The following STPG2 variants were observed in gnomAD, a reference collection of about 807,000 sequenced individuals.
The protein encoded by STPG2 is sperm-tail PG-rich repeat-containing protein 2.
Under a neutral mutation model 54.2 loss-of-function variants are expected in STPG2, and 56 were observed. That is an observed-to-expected ratio of 1.03 (90% CI 0.83 to 1.29). STPG2 has a LOEUF of 1.29. Among genes scored for constraint, STPG2 ranks in the 50% most tolerant of loss-of-function variants. The probability of loss-of-function intolerance (pLI) is 0.00; values close to 1 mark genes in which losing one functional copy is unlikely to be tolerated. For synonymous variants in STPG2, 200 were observed against 181.8 expected (o/e 1.10, Z -0.81); for missense variants, 596 against 544.9 (o/e 1.09, Z -0.93).
chr4:98,043,295 C>T (rs1737021497), intron 5 of STPG2, among the ~76,000 whole-genome samples: 1 of 151,960 alleles, frequency 6.6e-6, no homozygotes, highest in Non-Finnish European at 1.5e-5. Flanking sequence ...ACTCCATTAT[C>T]TTTTTAATTG....
intron 9 of STPG2, among the ~76,000 whole-genome samples, chr4:97,808,812 T>C (rs1056565893): frequency 6.0e-5 from 9 of 150,670 alleles, no homozygotes; most frequent in South Asian, 2.1e-4. Flanking sequence ...TATAGCTTCA[T>C]TGATACCAGA....
chr4:98,117,035 T>A (rs1284174811), intron 3 of STPG2, among the ~76,000 whole-genome samples: 1 of 152,022 alleles, frequency 6.6e-6, no homozygotes, highest in Non-Finnish European at 1.5e-5. Context: ...TTTATCATTG[T>A]TCTTTAATTA....
In STPG2 at chr4:97,807,659, A is replaced by AG. The variant is rs1727612391; in HGVS notation, c.1204+33113dup. Reference sequence around the variant, plus strand: ...GGATAGAAAATGAAAAAGTTGTAAGAGGAAAAAAAAGGAAGTATTTATTTG... The same window carrying AG: ...GGATAGAAAATGAAAAAGTTGTAAGAGGGAAAAAAAAGGAAGTATTTATTTG... On this transcript the variant is annotated intron_variant, in intron 9 of 10. Transcript: ENST00000295268. Among the ~76,000 whole-genome samples the AG allele has an allele frequency of 2.0e-5, 3 of 152,096 alleles. No homozygotes were observed. The South Asian group carries it at 6.2e-4, about 32-fold the overall frequency.
chr4:98,038,762 G>A (rs1736853092), intron 5 of STPG2, among the ~76,000 whole-genome samples: 1 of 151,814 alleles, frequency 6.6e-6, no homozygotes, highest in Non-Finnish European at 1.5e-5. Flanking sequence ...GAATAGCCAA[G>A]GATTAGAAAA....
intron 5 of STPG2, among the ~76,000 whole-genome samples, chr4:97,997,416 G>A (rs1216862494): frequency 6.6e-6 from 1 of 152,172 alleles, no homozygotes; most frequent in Non-Finnish European, 1.5e-5. Flanking sequence ...AGGAGCAAAA[G>A]AGCAATGGGG....
intron 5 of STPG2, among the ~76,000 whole-genome samples, chr4:98,027,989 C>A (rs1290430865): frequency 1.3e-5 from 2 of 152,180 alleles, no homozygotes; most frequent in Non-Finnish European, 2.9e-5. Context: ...TCACTCCACA[C>A]AACAGCTCCT....
At chr4:98,057,498 C>T (rs35915560) in intron 5 of STPG2, among the ~76,000 whole-genome samples, 59,827 of 151,322 alleles carry the variant, frequency 0.4, 11,993 homozygotes, top group Middle Eastern at 0.46. Flanking sequence ...GCCAGGCAGA[C>T]AAGAATAGAG....
chr4:98,059,312 A>G (rs1379464067), intron 5 of STPG2, among the ~76,000 whole-genome samples: 2 of 151,990 alleles, frequency 1.3e-5, no homozygotes, highest in Non-Finnish European at 2.9e-5. Context: ...ATTCTCTAAG[A>G]AGAAATTGGA....
chr4:98,126,475 G>A (rs1205481268), intron 3 of STPG2, among the ~76,000 whole-genome samples: 1 of 152,174 alleles, frequency 6.6e-6, no homozygotes, highest in East Asian at 1.9e-4. Flanking sequence ...ATCACTCACT[G>A]CCTCCTTTGG....
chr4:97,565,451 G>C (rs1732403639), intron 10 of STPG2, among the ~76,000 whole-genome samples: 1 of 152,188 alleles, frequency 6.6e-6, no homozygotes, highest in Non-Finnish European at 1.5e-5. Context: ...GTCATTCTCT[G>C]TCCAGCTTTG....
intron 8 of STPG2, among the ~76,000 whole-genome samples, chr4:97,917,655 T>C (rs1456972072): frequency 6.6e-6 from 1 of 152,140 alleles, no homozygotes; most frequent in Non-Finnish European, 1.5e-5. Flanking sequence ...TAAAAATATA[T>C]CTTAAAAGCT....
chr4:98,012,521 A>T, intron 5 of STPG2, among the ~76,000 whole-genome samples: 1 of 152,198 alleles, frequency 6.6e-6, no homozygotes, highest in East Asian at 1.9e-4. Context: ...ATAGCACTGA[A>T]TCTATAAATT....
At chr4:97,539,305 A>G (rs899797362) in intron 4 of STPG2, among the ~76,000 whole-genome samples, 1 of 152,148 alleles carries the variant, frequency 6.6e-6, no homozygotes, top group Non-Finnish European at 1.5e-5. Context: ...CCCATCTCAC[A>G]TGCAGAGACA....
rs562114365 is a variant in STPG2 at position 97,523,710 on chromosome 4, C to A, written c.462+188989G>T. On this transcript the variant is annotated intron_variant, in intron 4 of 4. Coordinates refer to the STPG2 transcript ENST00000522676. ...AGCATCAGAAGGAAAAAACACTGGG[C>A]AGTGAATGTGTCCCCTGTAAGCTGA... is the stretch of plus-strand genomic sequence containing the variant. Among the ~76,000 whole-genome samples the A allele has an allele frequency of 1.1e-4, 17 of 152,034 alleles. No homozygotes were observed. The East Asian group carries it at 3.1e-3, about 28-fold the overall frequency.
chr4:97,947,416 G>A (rs1485022988), intron 7 of STPG2, among the ~76,000 whole-genome samples: 1 of 151,836 alleles, frequency 6.6e-6, no homozygotes, highest in East Asian at 1.9e-4. Flanking sequence ...TGCCTGATTG[G>A]TCTGGCTAGG....
In STPG2 at chr4:98,109,185, T is replaced by C; in HGVS notation, c.500+8A>G. ...TACATTAAAGGTATACTATATTTTT[T>C]TACTTACTGGACTATATCATACTGT... On this transcript the variant is annotated splice_region_variant and intron_variant, in intron 4 of 10. Transcript: ENST00000295268. The C allele has an allele frequency of 6.7e-7, 1 of 1,496,062 alleles. No individual in the cohort carries two copies. The highest frequency in any genetic ancestry group is 9.1e-7 in the Non-Finnish European group (1 of 1,101,040). The allele number at this position is 1,496,062 out of a possible 1,614,324, so 92.7% of individuals were successfully genotyped here.
intron 8 of STPG2, among the ~76,000 whole-genome samples, chr4:97,854,358 A>C (rs548821710): frequency 1.3e-5 from 2 of 151,874 alleles, no homozygotes; most frequent in African/African-American, 4.8e-5. Context: ...AATAGTTCCT[A>C]CCTTCTTGGG....
intron 10 of STPG2, among the ~76,000 whole-genome samples, chr4:97,590,362 G>C (rs933226977): frequency 5.3e-5 from 8 of 151,886 alleles, no homozygotes; most frequent in African/African-American, 1.9e-4. Flanking sequence ...AAGACAAGAT[G>C]GGGGATGCCT....
intron 5 of STPG2, among the ~76,000 whole-genome samples, chr4:98,039,833 A>G (rs1736893903): frequency 1.3e-5 from 2 of 151,950 alleles, no homozygotes; most frequent in South Asian, 4.1e-4. Context: ...CTTTGGGTAG[A>G]TATCTAGTAG....
Sources: allele counts gnomAD v4.1 joint callset (sites outside exome capture counted in the v4.1 genomes callset), GRCh38; gene constraint gnomAD v4.1.1; transcripts MANE v1.5; gene names NCBI Gene and HGNC (gene_info 2026-07-23, HGNC 2026-07-21).